The following DGCR2 variants were observed in gnomAD, a reference collection of about 807,000 sequenced individuals.
The protein encoded by DGCR2 is integral membrane protein DGCR2/IDD.
DGCR2 carries 24 observed loss-of-function variants against 51.6 expected under a neutral mutation model. The ratio of observed to expected loss-of-function variants is 0.47; its 90% CI spans 0.34 to 0.65. The LOEUF (loss-of-function observed/expected upper bound fraction) is 0.65, where lower values mean the gene tolerates loss of function less well. Ranked by LOEUF, DGCR2 falls within the 30% of genes least tolerant of loss-of-function variation. The pLI is 0.01. For missense variants in DGCR2, 765 were observed against 772.1 expected (o/e 0.99, Z 0.11); for synonymous variants, 340 against 315.4 (o/e 1.08, Z -0.82).
chr22:19,103,106 T>C (rs753393113), intron 1 of DGCR2, among the ~76,000 whole-genome samples: 17 of 152,108 alleles, frequency 1.1e-4, no homozygotes, highest in Non-Finnish European at 2.4e-4. Context: ...ATGGATGAAC[T>C]GCGAAAACAT....
chr22:19,087,443 G>A (rs1030784592), intron 2 of DGCR2, among the ~76,000 whole-genome samples: 4 of 152,046 alleles, frequency 2.6e-5, no homozygotes, highest in Non-Finnish European at 2.9e-5. Context: ...AGGCTGGAGC[G>A]CACTGGCATG....
chr22:19,048,701 C>T (rs925762650), intron 6 of DGCR2, 58 bp from the exon 7 acceptor site: 6 of 1,570,092 alleles, frequency 3.8e-6, no homozygotes, highest in African/African-American at 1.3e-5. Flanking sequence ...GTAGCCTCCC[C>T]GTGTGGGCCA....
chr22:19,090,023 G>T (rs943840126), intron 1 of DGCR2, among the ~76,000 whole-genome samples: 2 of 152,206 alleles, frequency 1.3e-5, no homozygotes, highest in African/African-American at 2.4e-5. Context: ...TTTAATGCCT[G>T]GCCCTTTACG....
intron 1 of DGCR2, among the ~76,000 whole-genome samples, chr22:19,111,134 T>A (rs1379050444): frequency 6.6e-6 from 1 of 152,156 alleles, no homozygotes; most frequent in Non-Finnish European, 1.5e-5. Flanking sequence ...AAGGTGACAC[T>A]CTAATAAGCC....
At chr22:19,052,925 A>G (rs1170380455) in intron 6 of DGCR2, among the ~76,000 whole-genome samples, 1 of 152,226 alleles carries the variant, frequency 6.6e-6, no homozygotes, top group Non-Finnish European at 1.5e-5. Context: ...TACCTGACAA[A>G]GGCCAGACCA....
intron 2 of DGCR2, among the ~76,000 whole-genome samples, chr22:19,082,605 A>C (rs779639444): frequency 7.9e-5 from 12 of 151,514 alleles, no homozygotes; most frequent in Non-Finnish European, 1.6e-4. Flanking sequence ...CAAAAATTAG[A>C]CGAGCGTGGT....
At chr22:19,106,579 G>A (rs999247679) in intron 1 of DGCR2, among the ~76,000 whole-genome samples, 1 of 152,180 alleles carries the variant, frequency 6.6e-6, no homozygotes, top group African/African-American at 2.4e-5. Flanking sequence ...GAGTTCAAAC[G>A]GGAACAAGAC....
At chr22:19,082,705 G>A (rs575666324) in intron 2 of DGCR2, among the ~76,000 whole-genome samples, 4 of 151,590 alleles carry the variant, frequency 2.6e-5, no homozygotes, top group Admixed American at 6.6e-5. Flanking sequence ...AGCTGAGATC[G>A]CACCACTGCA....
intron 2 of DGCR2, among the ~76,000 whole-genome samples, chr22:19,069,214 G>T (rs985200395): frequency 2.6e-5 from 4 of 152,220 alleles, no homozygotes; most frequent in Non-Finnish European, 4.4e-5. Context: ...GGCGAGTGGG[G>T]CCTCGGCTCC....
intron 1 of DGCR2, among the ~76,000 whole-genome samples, chr22:19,117,816 G>A (rs539935187): frequency 6.6e-6 from 1 of 152,270 alleles, no homozygotes; most frequent in Non-Finnish European, 1.5e-5. Flanking sequence ...AGTGAAGGTA[G>A]AAAGTATATT....
In DGCR2 at chr22:19,037,130, G is replaced by A. The variant is rs1261858942; in HGVS notation, c.*1735C>T. ...CCTGCTTCGTCCTCTGCAGCCAGTA[G>A]GGGACTCCTGTGGCCAGGACTTCCT... is the stretch of plus-strand genomic sequence containing the variant. On this transcript the variant is annotated 3_prime_UTR_variant, in exon 10 of 10. Coordinates refer to ENST00000263196, the MANE Select transcript of DGCR2 (RefSeq NM_005137.3). 1 of 152,318 alleles carries A rather than the reference G, an allele frequency of 6.6e-6. No homozygotes were observed. The highest frequency in any genetic ancestry group is 2.4e-5 in the African/African-American group (1 of 41,448). 9.4% of individuals were successfully genotyped at this position (152,318 alleles called of 1,614,324 possible).
chr22:19,087,011 C>T (rs1000819979), intron 2 of DGCR2, among the ~76,000 whole-genome samples: 1 of 152,232 alleles, frequency 6.6e-6, no homozygotes, highest in African/African-American at 2.4e-5. Flanking sequence ...ATAAACTCTG[C>T]TTCCATTTGA....
chr22:19,108,200 C>T (rs967956744), intron 1 of DGCR2, among the ~76,000 whole-genome samples: 5 of 152,078 alleles, frequency 3.3e-5, no homozygotes, highest in Non-Finnish European at 7.4e-5. Flanking sequence ...AAACAGAAAG[C>T]ATGACCATAA....
Position 19,071,882 on chromosome 22 carries a change from G to A in DGCR2, c.203-3657C>T, listed in dbSNP as rs117751571. 5.2e-3 allele frequency among the ~76,000 whole-genome samples: 797 copies of A among 152,206 alleles called. 2 individuals carry two copies. Among genetic ancestry groups the A allele is most frequent in the Non-Finnish European group, 8.3e-3 (564 of 68,018 alleles). ...TCATAATATCTGTAACCTCTCAAAG[G>A]GTTCAGAAGAAAAACACAAAGAGCA... On this transcript the variant is annotated intron_variant, in intron 2 of 9. Transcript: ENST00000263196.
intron 1 of DGCR2, among the ~76,000 whole-genome samples, chr22:19,093,064 TA>T (rs1325006765): frequency 6.6e-6 from 1 of 152,116 alleles, no homozygotes; most frequent in African/African-American, 2.4e-5. Context: ...TTGAACCGCA[TA>T]AAAAATTCAG....
chr22:19,047,956 C>T (rs899537668), intron 7 of DGCR2: 5 of 180,276 alleles, frequency 2.8e-5, no homozygotes, highest in Non-Finnish European at 4.7e-5. Context: ...CTTTGGGAAG[C>T]TGAGGTGGGT....
Position 19,048,725 on chromosome 22 carries a change from G to A in DGCR2, c.803-82C>T. On this transcript the variant is annotated intron_variant, in intron 6 of 9. Coordinates refer to ENST00000263196, the MANE Select transcript of DGCR2 (RefSeq NM_005137.3). ...CCGTGTGGGCCACACTGCCAAAAAA[G>A]GTAGCCTCCCCGTGTGGGCCTGTGA... is the stretch of plus-strand genomic sequence containing the variant. 3.5e-6 allele frequency: 5 copies of A among 1,430,954 alleles called. No individual in the cohort carries two copies. The South Asian group carries it at 6.0e-5, about 17-fold the overall frequency. The allele number at this position is 1,430,954 out of a possible 1,614,324, so 88.6% of individuals were successfully genotyped here.
chr22:19,059,795 G>A (rs1601526836), intron 5 of DGCR2, among the ~76,000 whole-genome samples: 1 of 152,246 alleles, frequency 6.6e-6, no homozygotes, highest in African/African-American at 2.4e-5. Flanking sequence ...ATCTGAACCT[G>A]ATTACCTCTG....
intron 5 of DGCR2, among the ~76,000 whole-genome samples, chr22:19,059,326 C>T (rs1047888581): frequency 2.7e-5 from 4 of 150,908 alleles, no homozygotes; most frequent in African/African-American, 9.8e-5. Flanking sequence ...GTGGGGGCTG[C>T]AAGACTGGTG....
Sources: gnomAD v4.1 joint callset for allele counts (sites outside exome capture counted in the v4.1 genomes callset) on GRCh38, gnomAD v4.1.1 for gene constraint, MANE v1.5 for transcripts, NCBI Gene and HGNC (gene_info 2026-07-23, HGNC 2026-07-21) for gene names.